Variants in RAPGEF6 observed in about 807,000 individuals in gnomAD.
RAPGEF6 encodes PDZ domain containing guanine nucleotide exchange factor (GEF) 2.
Under a neutral mutation model 171.4 loss-of-function variants are expected in RAPGEF6, and 56 were observed. That is an observed-to-expected ratio of 0.33 (90% CI 0.26 to 0.41). RAPGEF6 has a LOEUF of 0.41. RAPGEF6 is among the 10% of genes least tolerant of loss of function. The probability of loss-of-function intolerance (pLI) is 1.00; values close to 1 mark genes in which losing one functional copy is unlikely to be tolerated. For missense variants in RAPGEF6, 1,674 were observed against 1,921.4 expected (o/e 0.87, Z 2.41); for synonymous variants, 692 against 650.1 (o/e 1.06, Z -0.98).
chr5:131,630,119 A>G (rs1193983591), intron 1 of RAPGEF6, among the ~76,000 whole-genome samples: 2 of 152,208 alleles, frequency 1.3e-5, no homozygotes, highest in South Asian at 2.1e-4. Flanking sequence ...TGATGTGGCA[A>G]ACTTCATTGT....
In RAPGEF6 at chr5:131,634,979, G is replaced by C. The variant is rs752177125; in HGVS notation, c.52C>G (p.Pro18Ala). The C allele has an allele frequency of 6.2e-7, 1 of 1,613,956 alleles. No homozygotes were observed. The highest frequency in any genetic ancestry group is 1.7e-5 in the Admixed American group (1 of 60,008). Reference sequence around the variant, plus strand: ...AGCCTCACCTCGGGAGTCCGCTCGGGTGGCTTCTTCCTCAACGCCTGCCTA... The same window carrying C: ...AGCCTCACCTCGGGAGTCCGCTCGGCTGGCTTCTTCCTCAACGCCTGCCTA... ...GARQALRKKP[P>A]ERTPEDLNTI... The change falls in exon 1 of 28, where the codon CCC (proline) becomes GCC (alanine). Residue 18 changes from proline to alanine, a missense_variant. Around this residue, in one of 3 missense-constraint regions of RAPGEF6, gnomAD observed 1,116 missense variants for 1,321.5 expected, o/e 0.84. Coordinates refer to ENST00000509018, the MANE Select transcript of RAPGEF6 (RefSeq NM_016340.6).
chr5:131,565,703 C>G (rs1475377964), intron 4 of RAPGEF6, among the ~76,000 whole-genome samples: 5 of 152,122 alleles, frequency 3.3e-5, no homozygotes, highest in African/African-American at 1.2e-4. Context: ...ACATGTTCAA[C>G]TGATTTTTGG....
Position 131,442,483 on chromosome 5 carries a change from A to T in RAPGEF6, c.3476T>A (p.Val1159Glu), listed in dbSNP as rs1244322888. The T allele has an allele frequency of 1.2e-6, 2 of 1,614,054 alleles. No individual in the cohort carries two copies. The highest frequency in any genetic ancestry group is 1.3e-5 in the African/African-American group (1 of 74,918). ...RSAKSSEMSP[V>E]PMRSAGQTTK... is the part of the protein sequence containing the mutation. ...TGTTTGGCCAGCTGACCTCATAGGC[A>T]CTGGAGACATTTCAGATGATTTGGC... Residue 1159 changes from valine to glutamate, a missense_variant, in exon 23 of 28, where the codon GTG becomes GAG. This residue lies in a region of RAPGEF6 where 552 missense variants were observed against 574.2 expected (regional missense o/e 0.96). Coordinates refer to ENST00000509018, the MANE Select transcript of RAPGEF6 (RefSeq NM_016340.6).
At chr5:131,511,620 C>T (rs1168713031) in intron 7 of RAPGEF6, among the ~76,000 whole-genome samples, 1 of 151,914 alleles carries the variant, frequency 6.6e-6, no homozygotes, top group African/African-American at 2.4e-5. Context: ...CCTGAACGCC[C>T]TGAATACCTG....
chr5:131,564,989 C>T (rs1291636), intron 4 of RAPGEF6, among the ~76,000 whole-genome samples: 3 of 152,136 alleles, frequency 2.0e-5, no homozygotes, highest in Admixed American at 1.3e-4. Context: ...TTTATCAGTA[C>T]GTAGACTGAA....
At chr5:131,433,300 G>T in intron 25 of RAPGEF6, 130 bp downstream of exon 25, 1 of 699,834 alleles carries the variant, frequency 1.4e-6, no homozygotes, top group Non-Finnish European at 2.5e-6. Flanking sequence ...ATATGTGCTT[G>T]GCCCACATAT....
At chr5:131,528,861 GGAAGTGAT>G (rs1759170979) in intron 6 of RAPGEF6, among the ~76,000 whole-genome samples, 11 of 152,256 alleles carry the variant, frequency 7.2e-5, no homozygotes, top group Middle Eastern at 6.8e-3. Context: ...CTGTCAAGGA[GGAAGTGAT>G]CAGCTGTGTC....
At chr5:131,609,473 A>G (rs1192573451) in intron 1 of RAPGEF6, among the ~76,000 whole-genome samples, 1 of 152,232 alleles carries the variant, frequency 6.6e-6, no homozygotes, top group African/African-American at 2.4e-5. Context: ...GGCATTAAAC[A>G]TGGAAGAGGC....
chr5:131,484,592 A>C (rs1755746783), intron 15 of RAPGEF6, among the ~76,000 whole-genome samples: 1 of 152,188 alleles, frequency 6.6e-6, no homozygotes, highest in African/African-American at 2.4e-5. Flanking sequence ...AGTGTCTGTC[A>C]AAAGTAATTC....
chr5:131,551,201 T>C (rs1432578603), intron 5 of RAPGEF6, among the ~76,000 whole-genome samples: 2 of 152,154 alleles, frequency 1.3e-5, no homozygotes, highest in Non-Finnish European at 1.5e-5. Context: ...TTGTAATAGA[T>C]GGTACAGTGT....
chr5:131,452,029 G>A (rs1325409023), intron 21 of RAPGEF6, among the ~76,000 whole-genome samples: 2 of 152,102 alleles, frequency 1.3e-5, no homozygotes, highest in East Asian at 1.9e-4. Flanking sequence ...TCAGGAGATC[G>A]AGACCACGGT....
chr5:131,559,843 G>GAAAAAAAAAAAA (rs553497187), intron 5 of RAPGEF6, among the ~76,000 whole-genome samples: 1 of 87,702 alleles, frequency 1.1e-5, no homozygotes, highest in African/African-American at 4.3e-5. Flanking sequence ...AAGAAAAAAA[G>GAAAAAAAAAAAA]AAAAAAAAAA....
chr5:131,520,995 A>T (rs1758437954), intron 7 of RAPGEF6, among the ~76,000 whole-genome samples: 1 of 152,214 alleles, frequency 6.6e-6, no homozygotes, highest in Non-Finnish European at 1.5e-5. Context: ...ATGGTAGAAA[A>T]GCAGCTCTAA....
At chr5:131,491,013 G>A (rs1053092937) in intron 14 of RAPGEF6, among the ~76,000 whole-genome samples, 5 of 152,184 alleles carry the variant, frequency 3.3e-5, no homozygotes, top group Admixed American at 3.3e-4. Flanking sequence ...ATTGAAGGAA[G>A]AAGTAAAAGC....
rs766859837 is a variant in RAPGEF6 at position 131,498,559 on chromosome 5, C to A, written c.1303G>T (p.Val435Leu). Residue 435 changes from valine (V) to leucine (L), a missense_variant, in exon 12 of 28, where the codon GTG (valine) becomes TTG (leucine). Coordinates refer to ENST00000509018, the MANE Select transcript of RAPGEF6 (RefSeq NM_016340.6). The part of the protein sequence containing the change: ...IMHLIEEHSI[V>L]DPTYIEDFLL... ...AAATCTTCTATATAAGTTGGATCCA[C>A]GATGGAATGTTCTTCTATTAAATGC... 1.2e-6 allele frequency: 2 copies of A among 1,613,534 alleles called. No homozygotes were observed. Among genetic ancestry groups the A allele is most frequent in the African/African-American group, 1.3e-5 (1 of 74,850 alleles).
chr5:131,431,173 C>T lies in RAPGEF6; in HGVS notation c.4151G>A (p.Ser1384Asn), dbSNP rs1300609161. ...TCTGTAAGAGTTCAAAAAATCCCAG[C>T]TTTTTGGGTTTGGAAGGCTTTGGAA... is the stretch of plus-strand genomic sequence containing the variant. Reference protein sequence around the residue: ...DNFQSLPNPKSWDFLNSYRHT... With the variant: ...DNFQSLPNPKNWDFLNSYRHT... Residue 1384 changes from serine to asparagine, a missense_variant, in exon 26 of 28, where the codon AGC becomes AAC. Physicochemically the swap from Ser to Asn is conservative, Grantham distance 46 (BLOSUM62 1). Around this residue, in one of 3 missense-constraint regions of RAPGEF6, gnomAD observed 552 missense variants for 574.2 expected, o/e 0.96. Coordinates refer to ENST00000509018, the MANE Select transcript of RAPGEF6 (RefSeq NM_016340.6). The T allele has an allele frequency of 2.5e-6, 4 of 1,614,174 alleles. No individual in the cohort carries two copies. The East Asian group carries it at 6.7e-5, about 27-fold the overall frequency.
chr5:131,567,139 G>A (rs897392737), intron 4 of RAPGEF6, among the ~76,000 whole-genome samples: 1 of 151,316 alleles, frequency 6.6e-6, no homozygotes, highest in Non-Finnish European at 1.5e-5. Flanking sequence ...AATTTCTTTA[G>A]GATGTTAATG....
rs139580227 is a variant in RAPGEF6 at position 131,506,138 on chromosome 5, G to C, written c.943-616C>G. 7.2e-5 allele frequency among the ~76,000 whole-genome samples: 11 copies of C among 152,202 alleles called. No homozygotes were observed. The East Asian group carries it at 1.7e-3, about 24-fold the overall frequency. ...ATGGAAATATTTAATGCTCTAAGAA[G>C]TTATTTATTTATTTATTTGAGAGAT... On this transcript the variant is annotated intron_variant, in intron 9 of 27. Coordinates refer to ENST00000509018, the MANE Select transcript of RAPGEF6 (RefSeq NM_016340.6).
At chr5:131,476,139 G>A (rs781083427) in intron 16 of RAPGEF6, among the ~76,000 whole-genome samples, 12 of 152,176 alleles carry the variant, frequency 7.9e-5, no homozygotes, top group Non-Finnish European at 1.6e-4. Flanking sequence ...TTTTTCTGAT[G>A]TGTAGTAGAA....
Sources: gnomAD v4.1 joint callset for allele counts (sites outside exome capture counted in the v4.1 genomes callset) on GRCh38, gnomAD v4.1.1 for gene constraint, gnomAD v4.1.1 regional missense constraint, MANE v1.5 for transcripts, NCBI Gene and HGNC (gene_info 2026-07-23, HGNC 2026-07-21) for gene names.